LDB2: variants seen among roughly 807,000 people sequenced by gnomAD.
The protein encoded by LDB2 is LIM domain-binding protein 2.
Under a neutral mutation model 44.3 loss-of-function variants are expected in LDB2, and 12 were observed. That is an observed-to-expected ratio of 0.27 (90% CI 0.17 to 0.44). The LOEUF (loss-of-function observed/expected upper bound fraction) is 0.44, where lower values mean the gene tolerates loss of function less well. LDB2 is among the 20% of genes least tolerant of loss of function. LDB2 has a pLI of 1.00. For synonymous variants in LDB2, 164 were observed against 174.8 expected (o/e 0.94, Z 0.49); for missense variants, 344 against 473.5 (o/e 0.73, Z 2.54).
intron 2 of LDB2, among the ~76,000 whole-genome samples, chr4:16,715,742 G>C (rs1218620024): frequency 6.6e-6 from 1 of 152,010 alleles, no homozygotes; most frequent in East Asian, 1.9e-4. Context: ...CTCATACTAA[G>C]AGGATCTCCT....
chr4:16,697,373 T>C (rs572938200), intron 2 of LDB2, among the ~76,000 whole-genome samples: 1 of 150,702 alleles, frequency 6.6e-6, no homozygotes, highest in South Asian at 2.1e-4. Flanking sequence ...GAGAATGGCG[T>C]GAATCTGGGA....
At chr4:16,724,009 C>T (rs1307577407) in intron 2 of LDB2, among the ~76,000 whole-genome samples, 2 of 152,148 alleles carry the variant, frequency 1.3e-5, no homozygotes, top group African/African-American at 2.4e-5. Flanking sequence ...CAATTCATCT[C>T]CTGCCATCTC....
intron 1 of LDB2, among the ~76,000 whole-genome samples, chr4:16,874,564 TTGAGGG>T (rs1717794119): frequency 2.0e-5 from 3 of 152,282 alleles, no homozygotes; most frequent in African/African-American, 7.2e-5. Flanking sequence ...AATCAAATAG[TTGAGGG>T]TAAGAGTCAG....
chr4:16,771,465 T>C (rs1473132774), intron 1 of LDB2, among the ~76,000 whole-genome samples: 1 of 152,192 alleles, frequency 6.6e-6, no homozygotes, highest in African/African-American at 2.4e-5. Flanking sequence ...ATTGTGACTC[T>C]AACTGCCTCA....
intron 2 of LDB2, among the ~76,000 whole-genome samples, chr4:16,757,260 GC>G (rs2109183967): frequency 6.6e-6 from 1 of 152,298 alleles, no homozygotes; most frequent in East Asian, 1.9e-4. Context: ...AGCAGCGTGT[GC>G]ACATCACCGG....
intron 2 of LDB2, among the ~76,000 whole-genome samples, chr4:16,664,179 G>C (rs1742387586): frequency 6.6e-6 from 1 of 152,154 alleles, no homozygotes; most frequent in Admixed American, 6.5e-5. Flanking sequence ...AGAGTCTTCA[G>C]GAATGAGACT....
chr4:16,595,587 G>T, intron 3 of LDB2, 116 bp downstream of exon 3: 1 of 857,794 alleles, frequency 1.2e-6, no homozygotes, highest in Non-Finnish European at 1.8e-6. Flanking sequence ...TCATGGTGTT[G>T]AAAGTGTCTG....
At chr4:16,806,130 A>C (rs1410141938) in intron 1 of LDB2, among the ~76,000 whole-genome samples, 2 of 152,220 alleles carry the variant, frequency 1.3e-5, no homozygotes, top group African/African-American at 4.8e-5. Flanking sequence ...GAAGGAAAGT[A>C]AGTTTCCTAA....
chr4:16,634,034 T>C (rs1196873078), intron 2 of LDB2, among the ~76,000 whole-genome samples: 8 of 152,258 alleles, frequency 5.3e-5, no homozygotes, highest in Non-Finnish European at 7.4e-5. Flanking sequence ...ATTTAATAAA[T>C]GGTGTTGGGA....
chr4:16,763,798 T>C (rs1286999688), intron 1 of LDB2, among the ~76,000 whole-genome samples: 1 of 152,196 alleles, frequency 6.6e-6, no homozygotes, highest in Non-Finnish European at 1.5e-5. Flanking sequence ...TATACTGACT[T>C]GCACATATGA....
chr4:16,682,585 C>T (rs12643363), intron 2 of LDB2, among the ~76,000 whole-genome samples: 9,693 of 152,312 alleles, frequency 0.064, 537 homozygotes, highest in East Asian at 0.33. Context: ...TGCCTCCCCA[C>T]GCCTGATGTT....
At chr4:16,621,892 A>T (rs906197848) in intron 2 of LDB2, among the ~76,000 whole-genome samples, 6 of 152,228 alleles carry the variant, frequency 3.9e-5, no homozygotes, top group African/African-American at 1.4e-4. Flanking sequence ...GTTGTCAAAA[A>T]TAATATAGTG....
At chr4:16,761,008 G>T (rs112668903) in intron 1 of LDB2, among the ~76,000 whole-genome samples, 39 of 145,176 alleles carry the variant, frequency 2.7e-4, no homozygotes, top group East Asian at 2.4e-3. Flanking sequence ...TGTGTGTGTG[G>T]TTTTTTTTTT....
chr4:16,843,283 G>A (rs948325314), intron 1 of LDB2, among the ~76,000 whole-genome samples: 13 of 152,212 alleles, frequency 8.5e-5, no homozygotes, highest in African/African-American at 2.4e-4. Flanking sequence ...GAAAGTTAGC[G>A]TTTTCCGCAT....
At chr4:16,654,043 C>T (rs542168869) in intron 2 of LDB2, among the ~76,000 whole-genome samples, 1 of 152,200 alleles carries the variant, frequency 6.6e-6, no homozygotes, top group Admixed American at 6.5e-5. Flanking sequence ...TTCATGATTC[C>T]AAATTAATCA....
chr4:16,651,943 T>A (rs978196655), intron 2 of LDB2, among the ~76,000 whole-genome samples: 2 of 152,190 alleles, frequency 1.3e-5, no homozygotes, highest in Non-Finnish European at 2.9e-5. Context: ...TCTATAAAAC[T>A]AGGACTTTCC....
intron 1 of LDB2, among the ~76,000 whole-genome samples, chr4:16,832,424 G>A (rs1255607003): frequency 1.3e-5 from 2 of 152,146 alleles, no homozygotes; most frequent in Middle Eastern, 6.3e-3. Flanking sequence ...CTTTGATATT[G>A]TTATCTGGCA....
chr4:16,857,235 C>A (rs540857936), intron 1 of LDB2, among the ~76,000 whole-genome samples: 1 of 152,286 alleles, frequency 6.6e-6, no homozygotes, highest in East Asian at 1.9e-4. Flanking sequence ...CTTGGTAGAC[C>A]AATAGTTCCT....
intron 5 of LDB2, among the ~76,000 whole-genome samples, chr4:16,517,643 C>T (rs980962667): frequency 6.6e-5 from 10 of 152,134 alleles, no homozygotes; most frequent in Admixed American, 1.3e-4. Flanking sequence ...GCCCGAGATC[C>T]CTCTTTGAAT....
Sources: allele counts gnomAD v4.1 joint callset (sites outside exome capture counted in the v4.1 genomes callset), GRCh38; gene constraint gnomAD v4.1.1; transcripts MANE v1.5; gene names NCBI Gene and HGNC (gene_info 2026-07-23, HGNC 2026-07-21).